The following KCNIP3 variants were observed in gnomAD, a reference collection of about 807,000 sequenced individuals.
The protein encoded by KCNIP3 is calsenilin.
KCNIP3 carries 28 observed loss-of-function variants against 35.0 expected under a neutral mutation model. The observed-to-expected ratio is 0.80, with a 90% CI of 0.59 to 1.10. KCNIP3 has a LOEUF of 1.10. KCNIP3 is among the 50% of genes least tolerant of loss of function. The pLI, the probability that KCNIP3 is intolerant of heterozygous loss-of-function variation, is 0.00. For synonymous variants in KCNIP3, 134 were observed against 133.8 expected (o/e 1.00, Z -0.01); for missense variants, 295 against 338.4 (o/e 0.87, Z 1.01).
At chr2:95,300,021 C>A (rs1677982359) in intron 1 of KCNIP3, among the ~76,000 whole-genome samples, 1 of 152,230 alleles carries the variant, frequency 6.6e-6, no homozygotes, top group Non-Finnish European at 1.5e-5. Flanking sequence ...AGAGTTGTGG[C>A]TGAGATTTGA....
chr2:95,331,666 AC>A (rs1678930555), intron 2 of KCNIP3, among the ~76,000 whole-genome samples: 1 of 152,184 alleles, frequency 6.6e-6, no homozygotes, highest in African/African-American at 2.4e-5. Context: ...GTTCAGAAAG[AC>A]ACCTATCCAC....
At chr2:95,318,566 G>C (rs1209627422) in intron 2 of KCNIP3, among the ~76,000 whole-genome samples, 2 of 152,168 alleles carry the variant, frequency 1.3e-5, no homozygotes, top group Non-Finnish European at 2.9e-5. Flanking sequence ...ACCGGGAGGT[G>C]GGTGATCCAC....
At chr2:95,350,504 C>T (rs930987910) in intron 2 of KCNIP3, among the ~76,000 whole-genome samples, 5 of 152,192 alleles carry the variant, frequency 3.3e-5, no homozygotes, top group African/African-American at 7.2e-5. Flanking sequence ...CTGGAGCCTT[C>T]TCCTGTCCCC....
At chr2:95,345,939 G>A (rs1369302814) in intron 2 of KCNIP3, among the ~76,000 whole-genome samples, 1 of 152,166 alleles carries the variant, frequency 6.6e-6, no homozygotes, top group African/African-American at 2.4e-5. Context: ...GCCGCCCGAA[G>A]GCGGGCGTCT....
Position 95,382,465 on chromosome 2 carries a change from T to C in KCNIP3, c.644T>C (p.Val215Ala). Reference sequence around the variant, plus strand: ...CGGGAGGACGCGCCGGCGGAGCACGTGGAGAGGTTCTTCGAGGTGAGCGAG... The same window carrying C: ...CGGGAGGACGCGCCGGCGGAGCACGCGGAGAGGTTCTTCGAGGTGAGCGAG... ...ILREDAPAEHVERFFEKMDRN... is the reference protein window; with the variant it reads ...ILREDAPAEHAERFFEKMDRN... Residue 215 changes from valine (V) to alanine (A), a missense_variant, in exon 7 of 9, where the codon GTG (valine) becomes GCG (alanine). Coordinates refer to ENST00000295225, the MANE Select transcript of KCNIP3 (RefSeq NM_013434.5). The surrounding 1 kb of genome is among the most constrained non-coding windows in gnomAD (Gnocchi z 4.5). 6.2e-7 allele frequency: 1 copy of C among 1,607,006 alleles called. No homozygotes were observed. Among genetic ancestry groups the C allele is most frequent in the Admixed American group, 1.7e-5 (1 of 59,224 alleles).
chr2:95,383,836 C>A (rs1034530312), intron 8 of KCNIP3, among the ~76,000 whole-genome samples, 166 bp from the exon 9 acceptor site: 1 of 152,168 alleles, frequency 6.6e-6, no homozygotes, highest in Non-Finnish European at 1.5e-5. Context: ...AGCTGGGGAC[C>A]TCGGACCAGC....
Position 95,337,827 on chromosome 2 carries a change from G to A in KCNIP3, c.181+27307G>A, listed in dbSNP as rs558380238. 1.3e-3 allele frequency among the ~76,000 whole-genome samples: 204 copies of A among 152,288 alleles called. 1 individual carries two copies. The South Asian group carries it at 0.027, about 20-fold the overall frequency. The stretch of plus-strand genomic sequence containing the variant: ...CACCCAAGCTCTCTGCTGTCCTCAT[G>A]ATGGGCTTTTCTGCTTCTAGACTTC... On this transcript the variant is annotated intron_variant, in intron 2 of 8. Transcript: ENST00000295225.
intron 2 of KCNIP3, among the ~76,000 whole-genome samples, chr2:95,365,358 C>T (rs1369957639): frequency 4.6e-5 from 7 of 152,032 alleles, no homozygotes; most frequent in Admixed American, 1.3e-4. Flanking sequence ...GACGGGGTTT[C>T]GCCATGTTGG....
At chr2:95,336,350 A>G (rs2104251495) in intron 2 of KCNIP3, among the ~76,000 whole-genome samples, 1 of 152,374 alleles carries the variant, frequency 6.6e-6, no homozygotes, top group South Asian at 2.1e-4. Flanking sequence ...CGTATCAGTC[A>G]TAGTGGTTCC....
chr2:95,315,112 G>A (rs1041018293), intron 2 of KCNIP3, among the ~76,000 whole-genome samples: 8 of 152,096 alleles, frequency 5.3e-5, no homozygotes, highest in South Asian at 2.1e-4. Context: ...GATCTATGGC[G>A]TGGAGGCACC....
At chr2:95,301,054 G>T (rs1264788505) in intron 1 of KCNIP3, among the ~76,000 whole-genome samples, 2 of 152,244 alleles carry the variant, frequency 1.3e-5, no homozygotes, top group African/African-American at 2.4e-5. Context: ...TCTGCTGCTG[G>T]TGCCACATGC....
chr2:95,377,386 G>A lies in KCNIP3; in HGVS notation c.447+2178G>A, dbSNP rs1445811614. Among the ~76,000 whole-genome samples, 12 of 152,286 alleles carry A rather than the reference G, an allele frequency of 7.9e-5. No homozygotes were observed. Among genetic ancestry groups the A allele is most frequent in the Middle Eastern group, 3.4e-3 (1 of 294 alleles). ...CAGTGGCCAAGCGGCATCCAGGGCC[G>A]TGTGAGGGCAGCCTGCAAGCCCAGC... On this transcript the variant is annotated intron_variant, in intron 5 of 8. Transcript: ENST00000295225. The surrounding 1 kb of genome is among the most constrained non-coding windows in gnomAD (Gnocchi z 4.7).
At chr2:95,314,283 G>C (rs1389251943) in intron 2 of KCNIP3, among the ~76,000 whole-genome samples, 1 of 152,210 alleles carries the variant, frequency 6.6e-6, no homozygotes, top group Non-Finnish European at 1.5e-5. Flanking sequence ...GAAGCATCAA[G>C]ATACATGATA....
At chr2:95,362,793 A>G (rs1294528688) in intron 2 of KCNIP3, among the ~76,000 whole-genome samples, 1 of 152,234 alleles carries the variant, frequency 6.6e-6, no homozygotes, top group Non-Finnish European at 1.5e-5. Flanking sequence ...ACCGACTAGT[A>G]CTGGTCCTCG....
At position 95,361,599 on chromosome 2, in the gene KCNIP3, C is replaced by T. The variant is rs141220710; in HGVS notation, c.182-12697C>T. The stretch of plus-strand genomic sequence containing the variant: ...TCTCTTTTTCTCTGATTCTCCTGCC[C>T]ACTCTGTGCCCAACAGGTGTAAACA... On this transcript the variant is annotated intron_variant, in intron 2 of 8. Transcript: ENST00000295225. Among the ~76,000 whole-genome samples the T allele has an allele frequency of 2.3e-4, 35 of 152,286 alleles. No individual in the cohort carries two copies. The East Asian group carries it at 6.8e-3, about 29-fold the overall frequency.
intron 2 of KCNIP3, among the ~76,000 whole-genome samples, chr2:95,366,575 G>C (rs1368294118): frequency 6.6e-6 from 1 of 152,122 alleles, no homozygotes; most frequent in African/African-American, 2.4e-5. Context: ...CTTATGGGAA[G>C]AGCCTCTTTA....
chr2:95,323,371 G>A (rs778831478), intron 2 of KCNIP3, among the ~76,000 whole-genome samples: 14 of 152,188 alleles, frequency 9.2e-5, no homozygotes, highest in Non-Finnish European at 1.5e-4. Flanking sequence ...GGGAGGAAAC[G>A]TCTCTGTGTG....
chr2:95,320,205 G>A (rs552818372), intron 2 of KCNIP3, among the ~76,000 whole-genome samples: 14 of 152,272 alleles, frequency 9.2e-5, no homozygotes, highest in African/African-American at 2.4e-4. Flanking sequence ...GGAACCACAC[G>A]GAGGGAGCCT....
chr2:95,332,385 G>C (rs142565087), intron 2 of KCNIP3, among the ~76,000 whole-genome samples: 1 of 152,268 alleles, frequency 6.6e-6, no homozygotes. Context: ...AGGCTGAGGC[G>C]GGTGGATGAC....
Sources: allele counts gnomAD v4.1 joint callset (sites outside exome capture counted in the v4.1 genomes callset), GRCh38; gene constraint gnomAD v4.1.1; non-coding constraint Gnocchi (gnomAD v3.1); transcripts MANE v1.5; gene names NCBI Gene and HGNC (gene_info 2026-07-23, HGNC 2026-07-21).